Variants in ROPN1L observed in about 807,000 individuals in gnomAD.
ROPN1L encodes ropporin-1-like protein.
Under a neutral mutation model 22.7 loss-of-function variants are expected in ROPN1L, and 23 were observed. The ratio of observed to expected loss-of-function variants is 1.01; its 90% CI spans 0.73 to 1.43. The LOEUF (loss-of-function observed/expected upper bound fraction) is 1.43. Among genes scored for constraint, ROPN1L ranks in the 40% most tolerant of loss-of-function variants. The pLI is 0.00. For missense variants in ROPN1L, 271 were observed against 291.5 expected, an observed-to-expected ratio of 0.93 and a Z score of 0.51; for synonymous variants, 116 against 117.8, an observed-to-expected ratio of 0.98 and a Z score of 0.10.
At chr5:10,460,204 A>G (rs1393872986) in intron 3 of ROPN1L, among the ~76,000 whole-genome samples, 2 of 152,218 alleles carry the variant, frequency 1.3e-5, no homozygotes, top group East Asian at 3.9e-4. Context: ...GACCTGGGCT[A>G]TGTGTTCTCT....
the ROPN1L span, among the ~76,000 whole-genome samples, chr5:10,481,592 C>T: frequency 1.3e-5 from 2 of 152,184 alleles, no homozygotes; most frequent in Non-Finnish European, 2.9e-5. Context: ...AGCAAGGTCC[C>T]AGATATCAAA....
chr5:10,455,114 G>C (rs1428076038), intron 3 of ROPN1L, among the ~76,000 whole-genome samples: 1 of 152,114 alleles, frequency 6.6e-6, no homozygotes, highest in African/African-American at 2.4e-5. Flanking sequence ...ACACACTTTG[G>C]AGCTCTCAGA....
At chr5:10,481,658 G>C in the ROPN1L span, among the ~76,000 whole-genome samples, 4 of 152,218 alleles carry the variant, frequency 2.6e-5, no homozygotes, top group Non-Finnish European at 5.9e-5. Context: ...TGTTTGCACT[G>C]GTTCCCTATG....
chr5:10,445,844 G>A (rs904512), intron 1 of ROPN1L, among the ~76,000 whole-genome samples: 93,207 of 152,038 alleles, frequency 0.61, 31,037 homozygotes, highest in Non-Finnish European at 0.76. Context: ...GATCACTTGA[G>A]CCCAGGAGTT....
At chr5:10,457,213 C>T (rs1741449753) in intron 3 of ROPN1L, among the ~76,000 whole-genome samples, 1 of 152,210 alleles carries the variant, frequency 6.6e-6, no homozygotes. Context: ...CACTCACCCC[C>T]TAACCGTGCC....
intron 3 of ROPN1L, among the ~76,000 whole-genome samples, chr5:10,455,027 C>T (rs762973592): frequency 4.6e-5 from 7 of 152,188 alleles, no homozygotes; most frequent in Non-Finnish European, 8.8e-5. Context: ...CTCCTCGGGA[C>T]GATCATCAAA....
chr5:10,458,345 T>C (rs978601574), intron 3 of ROPN1L, among the ~76,000 whole-genome samples: 2 of 151,940 alleles, frequency 1.3e-5, no homozygotes, highest in South Asian at 4.1e-4. Context: ...AGCGTGTCCA[T>C]GCACTGTCCT....
chr5:10,443,616 G>A (rs1293129579), intron 1 of ROPN1L, among the ~76,000 whole-genome samples: 19 of 149,888 alleles, frequency 1.3e-4, no homozygotes, highest in African/African-American at 4.5e-4. Flanking sequence ...GCGACAGAGC[G>A]AGACTCCGTC....
intron 3 of ROPN1L, 47 bp from the exon 4 acceptor site, chr5:10,461,137 T>C: frequency 6.4e-7 from 1 of 1,551,878 alleles, no homozygotes; most frequent in Non-Finnish European, 8.8e-7. Flanking sequence ...ATGTGAGTGA[T>C]GCCAGGAGTA....
At chr5:10,470,744 C>T (rs917777408) in intron 4 of ROPN1L, among the ~76,000 whole-genome samples, 6 of 152,220 alleles carry the variant, frequency 3.9e-5, no homozygotes, top group East Asian at 1.9e-4. Flanking sequence ...ATTAGCAGGG[C>T]GTGATCAGGA....
downstream of ROPN1L, among the ~76,000 whole-genome samples, chr5:10,466,094 C>T (rs942749978): frequency 2.0e-5 from 3 of 152,130 alleles, no homozygotes; most frequent in African/African-American, 7.2e-5. Flanking sequence ...ATTTGCTTTC[C>T]TTTTATAAAG....
At position 10,449,964 on chromosome 5, in the gene ROPN1L, C is replaced by A. The variant is rs772513245; in HGVS notation, c.268C>A (p.Arg90=). ...KVLHKQCHHK[R]YVELTDLEQK... is the part of the protein sequence containing the mutation. ...GTTTTCCAAACAGTGTCACCACAAGCGGTATGTGGAATTAACAGATCTTGA... is the reference window on the plus strand; with the variant it reads ...GTTTTCCAAACAGTGTCACCACAAGAGGTATGTGGAATTAACAGATCTTGA... The change falls in exon 3 of 5, where the codon CGG becomes AGG. Residue 90 remains arginine, a synonymous_variant. Coordinates refer to ENST00000274134, the MANE Select transcript of ROPN1L (RefSeq NM_031916.5). 26 of 1,608,858 alleles carry A rather than the reference C, an allele frequency of 1.6e-5. No homozygotes were observed. The highest frequency in any genetic ancestry group is 2.0e-5 in the Non-Finnish European group (23 of 1,178,262).
In ROPN1L at chr5:10,442,066, A is replaced by AG. The variant is rs1684367298; in HGVS notation, c.-101dup. ...GGGATGGGAGGCGGCCCTGGCCGCA[A>AG]GCCCCGCGCTGCTAGCGGGTCCACC... On this transcript the variant is annotated 5_prime_UTR_variant, in exon 1 of 5. It introduces an in-frame stop codon into an upstream open reading frame of the 5' UTR. Coordinates refer to ENST00000274134, the MANE Select transcript of ROPN1L (RefSeq NM_031916.5). 1 of 1,503,630 alleles carries AG rather than the reference A, an allele frequency of 6.7e-7. No homozygotes were observed. The highest frequency in any genetic ancestry group is 1.9e-5 in the Admixed American group (1 of 51,352). The allele number at this position is 1,503,630 out of a possible 1,614,324, so 93.1% of individuals were successfully genotyped here. A position where few individuals can be genotyped will look rare whatever the true frequency, so the allele number is the denominator to read the frequency against.
chr5:10,472,516 A>G (rs1735265660), downstream of ROPN1L, among the ~76,000 whole-genome samples: 1 of 152,204 alleles, frequency 6.6e-6, no homozygotes, highest in East Asian at 1.9e-4. Flanking sequence ...TCCTTTGATT[A>G]AAAAGCTTAT....
downstream of ROPN1L, among the ~76,000 whole-genome samples, chr5:10,465,522 AAC>A (rs1735138711): frequency 6.7e-6 from 1 of 150,322 alleles, no homozygotes; most frequent in African/African-American, 2.5e-5. Flanking sequence ...CTCAAAAAAA[AAC>A]AAAAACAAAA....
intron 1 of ROPN1L, among the ~76,000 whole-genome samples, chr5:10,444,106 C>G (rs1184389658): frequency 6.6e-6 from 1 of 152,180 alleles, no homozygotes; most frequent in Non-Finnish European, 1.5e-5. Flanking sequence ...TTCTGAAAGA[C>G]TCTTTCAAAG....
the ROPN1L span, among the ~76,000 whole-genome samples, chr5:10,480,269 G>A: frequency 3.0e-3 from 464 of 152,230 alleles, no homozygotes; most frequent in African/African-American, 0.011. Flanking sequence ...TCATTAATTC[G>A]AAAAGCATTT....
chr5:10,458,418 A>G (rs1183317621), intron 3 of ROPN1L, among the ~76,000 whole-genome samples: 1 of 140,018 alleles, frequency 7.1e-6, no homozygotes, highest in Admixed American at 7.1e-5. Flanking sequence ...ACACTACCCC[A>G]CCCATGTATA....
At chr5:10,446,162 G>T (rs920638958) in intron 1 of ROPN1L, among the ~76,000 whole-genome samples, 8 of 152,206 alleles carry the variant, frequency 5.3e-5, no homozygotes, top group African/African-American at 9.7e-5. Context: ...AGGCTGCTTT[G>T]GTTGGCGTGT....
Sources: allele counts gnomAD v4.1 joint callset (sites outside exome capture counted in the v4.1 genomes callset), GRCh38; gene constraint gnomAD v4.1.1; transcripts MANE v1.5; gene names NCBI Gene and HGNC (gene_info 2026-07-23, HGNC 2026-07-21).